Variants in N4BP2 observed in about 807,000 individuals in gnomAD.
The protein encoded by N4BP2 is NEDD4 binding protein 2.
Under a neutral mutation model 152.8 loss-of-function variants are expected in N4BP2, and 91 were observed. The observed-to-expected ratio is 0.60, with a 90% confidence interval of 0.50 to 0.71. The LOEUF (loss-of-function observed/expected upper bound fraction) is 0.71, where lower values mean the gene tolerates loss of function less well. N4BP2 is among the 30% of genes least tolerant of loss of function. The pLI is 0.00. For missense variants in N4BP2, 1,923 were observed against 2,059.1 expected (o/e 0.93, Z 1.28); for synonymous variants, 646 against 705.3 (o/e 0.92, Z 1.33).
At chr4:40,150,681 A>AAAT (rs1721073185) in intron 16 of N4BP2, among the ~76,000 whole-genome samples, 1 of 151,830 alleles carries the variant, frequency 6.6e-6, no homozygotes, top group Non-Finnish European at 1.5e-5. Context: ...AGGGGGAAAA[A>AAAT]AAAAAAAGAG....
intron 12 of N4BP2, among the ~76,000 whole-genome samples, chr4:40,130,522 T>G (rs1417260035): frequency 6.6e-6 from 1 of 152,084 alleles, no homozygotes; most frequent in African/African-American, 2.4e-5. Context: ...ATTATTTTGT[T>G]TATTTATTTT....
rs185289258 is a variant in N4BP2 at position 40,088,626 on chromosome 4, G to A, written c.-114-8601G>A. 1.0e-3 allele frequency among the ~76,000 whole-genome samples: 156 copies of A among 151,372 alleles called. 4 individuals carry two copies. In the East Asian group the frequency reaches 0.021, roughly 21 times the overall value. On this transcript the variant is annotated intron_variant, in intron 2 of 17. Coordinates refer to ENST00000261435, the MANE Select transcript of N4BP2 (RefSeq NM_018177.6). ...AGTGATTCTCCTGCCTCAGCCTCCC[G>A]AGTAGCTGGGATTACAGGCATGCAC...
Position 40,121,966 on chromosome 4 carries a change from T to A in N4BP2, c.3855T>A (p.Ser1285=), listed in dbSNP as rs114198420. 7,542 of 1,559,024 alleles carry A rather than the reference T, an allele frequency of 4.8e-3. 27 individuals are homozygous for A. Among genetic ancestry groups the A allele is most frequent in the Non-Finnish European group, 6.0e-3 (6,939 of 1,154,704 alleles). The change falls in exon 9 of 18, where the codon TCT becomes TCA. Residue 1285 remains serine (S), a synonymous_variant. Coordinates refer to ENST00000261435, the MANE Select transcript of N4BP2 (RefSeq NM_018177.6). ...ACATACATTCTCCTTCACATTTCTCTGATATTTTTAACTTTGTATCTAGTA... is the reference window on the plus strand; with the variant it reads ...ACATACATTCTCCTTCACATTTCTCAGATATTTTTAACTTTGTATCTAGTA... ...GDNIHSPSHF[S]DIFNFVSSTS...
intron 2 of N4BP2, among the ~76,000 whole-genome samples, chr4:40,077,488 C>G (rs1393315982): frequency 7.1e-6 from 1 of 140,630 alleles, no homozygotes; most frequent in Non-Finnish European, 1.5e-5. Context: ...GAGTCTCGCT[C>G]TGTCACCCAG....
At chr4:40,062,892 C>T (rs1733772591) in intron 1 of N4BP2, among the ~76,000 whole-genome samples, 1 of 152,206 alleles carries the variant, frequency 6.6e-6, no homozygotes, top group Non-Finnish European at 1.5e-5. Flanking sequence ...GTGTCCTTAG[C>T]ACTCCATGTT....
chr4:40,159,311 G>A (rs528949649), downstream of N4BP2, among the ~76,000 whole-genome samples: 116 of 152,276 alleles, frequency 7.6e-4, no homozygotes, highest in Non-Finnish European at 1.3e-3. Context: ...TCCTTTATAC[G>A]AAAGCTGGTA....
At position 40,120,882 on chromosome 4, in the gene N4BP2, C is replaced by T. The variant is rs761615843; in HGVS notation, c.2771C>T (p.Ser924Phe). ...GACAAAATGAATGAAATATCCTTAT[C>T]TACAGCACATGAGGCCTGTTGGGGC... ...TNDKMNEISL[S>F]TAHEACWGTS... is the part of the protein sequence containing the mutation. Residue 924 changes from serine to phenylalanine, a missense_variant, in exon 9 of 18, where the codon TCT (serine) becomes TTT (phenylalanine). Coordinates refer to ENST00000261435, the MANE Select transcript of N4BP2 (RefSeq NM_018177.6). The T allele has an allele frequency of 3.1e-6, 5 of 1,613,958 alleles. No individual in the cohort carries two copies. The highest frequency in any genetic ancestry group is 4.2e-6 in the Non-Finnish European group (5 of 1,180,012).
intron 2 of N4BP2, 45 bp downstream of exon 2, chr4:40,073,596 G>T (rs1712426015): frequency 7.4e-6 from 1 of 134,256 alleles, no homozygotes; most frequent in Non-Finnish European, 1.6e-5. Context: ...TTACACATAA[G>T]ATTTTTTTTT....
At chr4:40,090,572 T>G (rs1370073996) in intron 2 of N4BP2, among the ~76,000 whole-genome samples, 1 of 152,190 alleles carries the variant, frequency 6.6e-6, no homozygotes, top group Non-Finnish European at 1.5e-5. Flanking sequence ...CAACATACTT[T>G]CGTTCAACGT....
At chr4:40,119,071 A>G (rs374084866) in intron 8 of N4BP2, among the ~76,000 whole-genome samples, 7 of 152,312 alleles carry the variant, frequency 4.6e-5, no homozygotes, top group Non-Finnish European at 2.9e-5. Flanking sequence ...CCTGGGTTCA[A>G]AAAGTCCCAA....
intron 5 of N4BP2, among the ~76,000 whole-genome samples, chr4:40,109,094 C>CA (rs1434219864): frequency 1.3e-5 from 2 of 152,268 alleles, no homozygotes; most frequent in East Asian, 3.9e-4. Context: ...GGATTACAGA[C>CA]ATGAGCCACC....
intron 16 of N4BP2, among the ~76,000 whole-genome samples, chr4:40,147,890 G>T (rs1223174998): frequency 6.6e-6 from 1 of 151,876 alleles, no homozygotes; most frequent in Non-Finnish European, 1.5e-5. Context: ...CATCCCAGAC[G>T]GGGCGGCGGG....
the N4BP2 span, among the ~76,000 whole-genome samples, chr4:40,177,953 A>G: frequency 1.3e-5 from 2 of 152,224 alleles, no homozygotes; most frequent in Non-Finnish European, 2.9e-5. Context: ...TGAGAGCAAC[A>G]GAAAACAGAA....
intron 1 of N4BP2, among the ~76,000 whole-genome samples, chr4:40,065,107 C>T (rs1733940884): frequency 6.6e-6 from 1 of 152,078 alleles, no homozygotes; most frequent in South Asian, 2.1e-4. Context: ...GTATAAGGCA[C>T]AGAGCTGTGA....
intron 2 of N4BP2, among the ~76,000 whole-genome samples, chr4:40,088,882 C>T (rs1380783658): frequency 6.6e-6 from 1 of 152,094 alleles, no homozygotes; most frequent in African/African-American, 2.4e-5. Flanking sequence ...CCTGTATCTC[C>T]TCTTTCGTGT....
intron 1 of N4BP2, among the ~76,000 whole-genome samples, chr4:40,066,544 T>A (rs1014758318): frequency 6.6e-6 from 1 of 151,774 alleles, no homozygotes; most frequent in Non-Finnish European, 1.5e-5. Context: ...GGTCTTGAAC[T>A]CCTGACCTCA....
chr4:40,173,809 AT>A, the N4BP2 span, among the ~76,000 whole-genome samples: 1 of 152,134 alleles, frequency 6.6e-6, no homozygotes, highest in Admixed American at 6.5e-5. Flanking sequence ...TCTCTGCGTT[AT>A]CACTTTCTCT....
chr4:40,066,931 C>T (rs1014312754), intron 1 of N4BP2, among the ~76,000 whole-genome samples: 2 of 151,906 alleles, frequency 1.3e-5, no homozygotes, highest in African/African-American at 4.8e-5. Context: ...TTGTAGATAC[C>T]GCATATAAGT....
Position 40,117,874 on chromosome 4 carries a change from A to C in N4BP2, c.1670A>C (p.Asn557Thr), listed in dbSNP as rs774561879. The change falls in exon 8 of 18, where the codon AAC (asparagine) becomes ACC (threonine). Residue 557 changes from asparagine (N) to threonine (T), a missense_variant. Transcript: ENST00000261435. The stretch of plus-strand genomic sequence containing the variant: ...TTTTCCCCTGGAATTTTCAGGCGTA[A>C]CATTCATGGGGTAAGCAAAGAAAAA... ...KFKPKELARR[N>T]IHGVSKEKIT... 14 of 1,599,914 alleles carry C rather than the reference A, an allele frequency of 8.8e-6. No individual in the cohort carries two copies. The highest frequency in any genetic ancestry group is 1.2e-5 in the Non-Finnish European group (14 of 1,174,346).
Sources: gnomAD v4.1 joint callset for allele counts (sites outside exome capture counted in the v4.1 genomes callset) on GRCh38, gnomAD v4.1.1 for gene constraint, MANE v1.5 for transcripts, NCBI Gene and HGNC (gene_info 2026-07-23, HGNC 2026-07-21) for gene names.